The following POMT2 variants were observed in gnomAD, a reference collection of about 807,000 sequenced individuals.
POMT2 encodes the protein protein O-mannosyltransferase 2, also known as protein O-mannosyl-transferase 2.
In POMT2, 75 loss-of-function variants were observed where a neutral mutation model predicts 100.0. That is an observed-to-expected ratio of 0.75 (90% CI 0.62 to 0.91). POMT2 has a LOEUF of 0.91. POMT2 is among the 40% of genes least tolerant of loss of function. The pLI is 0.00. For missense variants in POMT2, 940 were observed against 955.1 expected (o/e 0.98, Z 0.21); for synonymous variants, 378 against 374.1 (o/e 1.01, Z -0.12).
At chr14:77,312,146 A>C in intron 1 of POMT2, 113 bp from the exon 2 acceptor site, 1 of 1,477,218 alleles carries the variant, frequency 6.8e-7, no homozygotes, top group South Asian at 1.3e-5. Flanking sequence ...AATTAATGCA[A>C]AAGTCTGGAT....
intron 3 of POMT2, among the ~76,000 whole-genome samples, chr14:77,305,428 G>C (rs898794201): frequency 6.6e-6 from 1 of 152,112 alleles, no homozygotes; most frequent in African/African-American, 2.4e-5. Context: ...CAGAAGAATG[G>C]GAAATTCTCA....
intron 3 of POMT2, 118 bp downstream of exon 3, chr14:77,306,219 C>T: frequency 6.5e-7 from 1 of 1,527,904 alleles, no homozygotes; most frequent in Non-Finnish European, 8.8e-7. Flanking sequence ...CCCCTCTCCT[C>T]ACCACCCAAA....
chr14:77,295,033 G>T (rs1405238029), intron 9 of POMT2, among the ~76,000 whole-genome samples: 2 of 152,098 alleles, frequency 1.3e-5, no homozygotes, highest in Non-Finnish European at 2.9e-5. Flanking sequence ...CTAAACTAGA[G>T]ATCTAATCAT....
Position 77,291,366 on chromosome 14 carries a change from C to A in POMT2, c.1131G>T (p.Leu377Phe). The A allele has an allele frequency of 6.4e-7, 1 of 1,555,912 alleles. No individual in the cohort carries two copies. Among genetic ancestry groups the A allele is most frequent in the Non-Finnish European group, 8.7e-7 (1 of 1,153,866 alleles). ...GARQQQVTTY[L>F]HKDYNNLWII... ...TCCACAGGTTGTTGTAGTCCTTGTG[C>A]AAATAGGTGGTGACCTGGGTGGGGG... The change falls in exon 10 of 21, where the codon TTG becomes TTT. Residue 377 changes from leucine (L) to phenylalanine (F), a missense_variant. By Grantham distance (22) the Leu-to-Phe change is conservative. Transcript: ENST00000261534.
chr14:77,298,772 C>T lies in POMT2; in HGVS notation c.924-1G>A. ...ACTGAAGAAACCGTCACCAGGGCCA[C>T]TGTGGGGAGAGGAAGAGCAGAAGAG... On this transcript the variant is annotated splice_acceptor_variant, in intron 7 of 20. Coordinates refer to ENST00000261534, the MANE Select transcript of POMT2 (RefSeq NM_013382.7). LOFTEE classifies it high-confidence loss of function. 1.2e-6 allele frequency: 2 copies of T among 1,612,024 alleles called. No individual in the cohort carries two copies. Among genetic ancestry groups the T allele is most frequent in the East Asian group, 2.2e-5 (1 of 44,834 alleles).
chr14:77,287,119 A>G, intron 11 of POMT2: 1 of 408,776 alleles, frequency 2.4e-6, no homozygotes, highest in South Asian at 2.1e-5. Context: ...TCACACATTT[A>G]GTAGCTTTGA....
intron 10 of POMT2, 152 bp from the exon 11 acceptor site, chr14:77,288,983 G>T: frequency 1.4e-6 from 1 of 705,934 alleles, no homozygotes; most frequent in Non-Finnish European, 2.6e-6. Flanking sequence ...CCCCTAAATT[G>T]CTTCAGGGTA....
Position 77,307,889 on chromosome 14 carries a change from G to A in POMT2, c.334-1448C>T, listed in dbSNP as rs1363050398. ...TTTTTTTTTTTTTTTTTGAGACAGAGTCTCGCTCTGTCACCCAGGCTGGAG... is the reference window on the plus strand; with the variant it reads ...TTTTTTTTTTTTTTTTTGAGACAGAATCTCGCTCTGTCACCCAGGCTGGAG... On this transcript the variant is annotated intron_variant, in intron 2 of 20. Coordinates refer to ENST00000261534, the MANE Select transcript of POMT2 (RefSeq NM_013382.7). Among the ~76,000 whole-genome samples, 48 of 120,200 alleles carry A rather than the reference G, an allele frequency of 4.0e-4. No individual in the cohort carries two copies. In the Admixed American group the frequency reaches 4.4e-3, roughly 11 times the overall value. 78.9% of individuals were successfully genotyped at this position (120,200 alleles called of 152,430 possible). A position where few individuals can be genotyped will look rare whatever the true frequency, so the allele number is the denominator to read the frequency against.
At chr14:77,291,094 A>AC (rs557252329) in intron 10 of POMT2, among the ~76,000 whole-genome samples, 48 of 152,258 alleles carry the variant, frequency 3.2e-4, no homozygotes, top group Non-Finnish European at 4.7e-4. Context: ...GCAAGTTCTT[A>AC]CCTGTTTTGC....
rs1891442707 is a variant in POMT2, at chr14:77,311,807, T to C, written c.333+142A>G. ...AAACACCAGAGATTTTCCATGAAAG[T>C]AGCTGGTCTGAAATGTCAGAAAATT... On this transcript the variant is annotated intron_variant, in intron 2 of 20. Transcript: ENST00000261534. The C allele has an allele frequency of 2.9e-6, 4 of 1,358,678 alleles. No homozygotes were observed. In the South Asian group the frequency reaches 4.5e-5, roughly 15 times the overall value. 84.2% of individuals were successfully genotyped at this position (1,358,678 alleles called of 1,614,324 possible).
intron 2 of POMT2, among the ~76,000 whole-genome samples, chr14:77,309,667 T>A (rs953386117): frequency 6.6e-6 from 1 of 152,044 alleles, no homozygotes; most frequent in African/African-American, 2.4e-5. Flanking sequence ...GGCTTTGATA[T>A]AATATTATTA....
chr14:77,300,188 G>A (rs1477151153), intron 6 of POMT2: 1 of 161,712 alleles, frequency 6.2e-6, no homozygotes, highest in African/African-American at 2.4e-5. Context: ...ATGAATGAAT[G>A]AATGAATAAA....
At chr14:77,301,797 C>G (rs1214216877) in intron 5 of POMT2, among the ~76,000 whole-genome samples, 1 of 152,200 alleles carries the variant, frequency 6.6e-6, no homozygotes, top group Non-Finnish European at 1.5e-5. Context: ...AGTAATACAG[C>G]TAGCAGGCAG....
intron 9 of POMT2, among the ~76,000 whole-genome samples, chr14:77,295,459 T>C (rs1405650070): frequency 6.6e-6 from 1 of 151,896 alleles, no homozygotes; most frequent in Non-Finnish European, 1.5e-5. Context: ...GGTGAAACCC[T>C]GTCTCTACTA....
chr14:77,299,620 ACT>A lies in POMT2; in HGVS notation c.817-61_817-60del. On this transcript the variant is annotated intron_variant, in intron 6 of 20. Transcript: ENST00000261534. ...TGTGAGACCTCATTATTCCTTAGGC[ACT>A]ATGCATGCATTATATATAGCTTTTA... 8 of 1,225,644 alleles carry A rather than the reference ACT, an allele frequency of 6.5e-6. No homozygotes were observed. In the South Asian group the frequency reaches 9.6e-5, roughly 15 times the overall value. 75.9% of individuals were successfully genotyped at this position (1,225,644 alleles called of 1,614,324 possible). A position where few individuals can be genotyped will look rare whatever the true frequency, so the allele number is the denominator to read the frequency against.
intron 4 of POMT2, among the ~76,000 whole-genome samples, chr14:77,304,390 C>T (rs1594798722): frequency 6.6e-6 from 1 of 152,218 alleles, no homozygotes; most frequent in Admixed American, 6.5e-5. Flanking sequence ...AACACACATA[C>T]TCACATACAA....
rs1890100630 is a variant in POMT2 at position 77,279,048 on chromosome 14, T to C, written c.1892-179A>G. ...AGCAGCTGGGGCTCGAGAGCTCTGG[T>C]CAGGGCCCAGCCTAGTGAGGCCTGG... On this transcript the variant is annotated intron_variant, in intron 18 of 20. Transcript: ENST00000261534. 3 of 851,556 alleles carry C rather than the reference T, an allele frequency of 3.5e-6. No homozygotes were observed. In the East Asian group the frequency reaches 8.0e-5, roughly 23 times the overall value. The allele number at this position is 851,556 out of a possible 1,614,324, so 52.8% of individuals were successfully genotyped here. A position where few individuals can be genotyped will look rare whatever the true frequency, so the allele number is the denominator to read the frequency against.
chr14:77,314,440 T>C (rs927210365), intron 1 of POMT2, among the ~76,000 whole-genome samples: 1 of 152,166 alleles, frequency 6.6e-6, no homozygotes, highest in Non-Finnish European at 1.5e-5. Flanking sequence ...TCTGTCAGCA[T>C]GCAAAAAACA....
At chr14:77,303,105 A>G (rs1412234486) in intron 4 of POMT2, among the ~76,000 whole-genome samples, 162 bp from the exon 5 acceptor site, 6 of 152,132 alleles carry the variant, frequency 3.9e-5, no homozygotes, top group African/African-American at 1.4e-4. Flanking sequence ...GGGAGGTAGA[A>G]GGCCACAGCT....
Sources: allele counts gnomAD v4.1 joint callset (sites outside exome capture counted in the v4.1 genomes callset), GRCh38; gene constraint gnomAD v4.1.1; transcripts MANE v1.5; gene names NCBI Gene and HGNC (gene_info 2026-07-23, HGNC 2026-07-21).